GJA3: variants seen among roughly 807,000 people sequenced by gnomAD.
The protein encoded by GJA3 is gap junction alpha-3 protein.
For missense variants in GJA3, 571 were observed against 620.3 expected, an observed-to-expected ratio of 0.92 and a Z score of 0.84; for synonymous variants, 297 against 292.6, an observed-to-expected ratio of 1.02 and a Z score of -0.15.
intron 1 of GJA3, among the ~76,000 whole-genome samples, chr13:20,159,235 C>A (rs1236428467): frequency 6.6e-6 from 1 of 151,588 alleles, no homozygotes; most frequent in African/African-American, 2.4e-5. Context: ...AGATCCAGTC[C>A]TCACTCTCAG....
At position 20,142,531 on chromosome 13, in the gene GJA3, G is replaced by A. The variant is rs753781759; in HGVS notation, c.758C>T (p.Pro253Leu). The stretch of plus-strand genomic sequence containing the variant: ...CGGCCGGGAGCTGGGGGGCAGGGGC[G>A]GGGGATCGGCTGTCCCCAGCGGGGC... ...SEAPLGTADP[P>L]PLPPSSRPPA... The change falls in exon 2 of 2, where the codon CCG (proline) becomes CTG (leucine). Residue 253 changes from proline to leucine, a missense_variant. Physicochemically the swap from Pro to Leu is moderately conservative, Grantham distance 98. Coordinates refer to ENST00000241125, the MANE Select transcript of GJA3 (RefSeq NM_021954.4). The A allele has an allele frequency of 1.3e-6, 2 of 1,557,120 alleles. No homozygotes were observed. Among genetic ancestry groups the A allele is most frequent in the South Asian group, 1.2e-5 (1 of 85,362 alleles).
rs1159654355 is a variant in GJA3 at position 20,158,912 on chromosome 13, CAAAAAAAAAA to C, written c.-18+1968_-18+1977del. Among the ~76,000 whole-genome samples the C allele has an allele frequency of 7.4e-3, 408 of 54,966 alleles. 2 individuals carry two copies. The highest frequency in any genetic ancestry group is 0.053 in the Middle Eastern group (2 of 38). 36.1% of individuals were successfully genotyped at this position (54,966 alleles called of 152,430 possible). A position where few individuals can be genotyped will look rare whatever the true frequency, so the allele number is the denominator to read the frequency against. ...CCAGCCTGGACAAGAGCAAAACTCT[CAAAAAAAAAA>C]AAAAAAAAAAAAAAGAAAAAGAAAA... is the stretch of plus-strand genomic sequence containing the variant. On this transcript the variant is annotated intron_variant, in intron 1 of 1. Transcript: ENST00000241125.
chr13:20,149,514 G>A (rs2141141794), intron 1 of GJA3, among the ~76,000 whole-genome samples: 1 of 152,182 alleles, frequency 6.6e-6, no homozygotes, highest in South Asian at 2.1e-4. Context: ...ATAGTTTAAG[G>A]AATAGTCTCT....
chr13:20,152,722 G>C (rs1958886065), intron 1 of GJA3, among the ~76,000 whole-genome samples: 1 of 152,146 alleles, frequency 6.6e-6, no homozygotes, highest in Non-Finnish European at 1.5e-5. Flanking sequence ...TTACAAATTA[G>C]AGGTAATATA....
rs567570130 is a variant in GJA3 at position 20,140,515 on chromosome 13, G to A, written c.*1466C>T. ...GAACAAGGGCTAATGATACTCAGTA[G>A]AAGTTGGAGGTGAAAAGTGTGAGTA... On this transcript the variant is annotated 3_prime_UTR_variant, in exon 2 of 2. Transcript: ENST00000241125. The A allele has an allele frequency of 1.3e-4, 20 of 152,314 alleles. No individual in the cohort carries two copies. The highest frequency in any genetic ancestry group is 4.6e-4 in the African/African-American group (19 of 41,566). 9.4% of individuals were successfully genotyped at this position (152,314 alleles called of 1,614,324 possible).
In GJA3 at chr13:20,139,405, C is replaced by T. The variant is rs1958794671; in HGVS notation, c.*2576G>A. 1 of 151,886 alleles carries T rather than the reference C, an allele frequency of 6.6e-6. No individual in the cohort carries two copies. Among genetic ancestry groups the T allele is most frequent in the Non-Finnish European group, 1.5e-5 (1 of 67,996 alleles). 9.4% of individuals were successfully genotyped at this position (151,886 alleles called of 1,614,324 possible). A position where few individuals can be genotyped will look rare whatever the true frequency, so the allele number is the denominator to read the frequency against. The stretch of plus-strand genomic sequence containing the variant: ...GAAAAAAATAGGTCTGGAATCTTGC[C>T]CACAGAGAGAGGCAATTTCTATTTT... On this transcript the variant is annotated 3_prime_UTR_variant, in exon 2 of 2. Coordinates refer to ENST00000241125, the MANE Select transcript of GJA3 (RefSeq NM_021954.4).
chr13:20,150,896 G>T (rs1048419896), intron 1 of GJA3, among the ~76,000 whole-genome samples: 3 of 152,144 alleles, frequency 2.0e-5, no homozygotes, highest in Non-Finnish European at 4.4e-5. Context: ...TCACAGGAAG[G>T]CAGGAGACCA....
intron 1 of GJA3, 68 bp from the exon 2 acceptor site, chr13:20,143,373 G>GGCGGCA: frequency 8.9e-7 from 1 of 1,119,894 alleles, no homozygotes; most frequent in Non-Finnish European, 1.2e-6. Flanking sequence ...ACCCATGGGC[G>GGCGGCA]GCGGCAGCGG....
At chr13:20,151,211 C>T (rs1433453045) in intron 1 of GJA3, among the ~76,000 whole-genome samples, 4 of 152,082 alleles carry the variant, frequency 2.6e-5, no homozygotes, top group Admixed American at 6.5e-5. Context: ...AGACTCTTGT[C>T]AGTGGGGTCA....
Position 20,142,235 on chromosome 13 carries a change from G to A in GJA3, c.1054C>T (p.Pro352Ser), listed in dbSNP as rs776453557. ...AYPAASTPAA[P>S]SPVGSSSPPL... ...GGGGAGCTGCTGCCGACGGGGCTGG[G>A]GGCTGCAGGCGTGGACGCTGCCGGG... Residue 352 changes from proline (P) to serine (S), a missense_variant, in exon 2 of 2, where the codon CCC becomes TCC. Physicochemically the swap from Pro to Ser is moderately conservative, Grantham distance 74. Transcript: ENST00000241125. 5 of 1,532,714 alleles carry A rather than the reference G, an allele frequency of 3.3e-6. No individual in the cohort carries two copies. In the South Asian group the frequency reaches 3.6e-5, roughly 11 times the overall value. The allele number at this position is 1,532,714 out of a possible 1,614,324, so 94.9% of individuals were successfully genotyped here.
Position 20,154,835 on chromosome 13 carries a change from C to T in GJA3, c.-18+6055G>A, listed in dbSNP as rs375474221. Among the ~76,000 whole-genome samples, 71 of 152,174 alleles carry T rather than the reference C, an allele frequency of 4.7e-4. No individual in the cohort carries two copies. The South Asian group carries it at 0.014, about 30-fold the overall frequency. On this transcript the variant is annotated intron_variant, in intron 1 of 1. Coordinates refer to ENST00000241125, the MANE Select transcript of GJA3 (RefSeq NM_021954.4). ...ATGTTAATCACTAAAGAGGGTAAGT[C>T]CTCTTTGTTATGATTTAATTACCTT... is the stretch of plus-strand genomic sequence containing the variant.
chr13:20,148,535 A>C (rs561016173), intron 1 of GJA3, among the ~76,000 whole-genome samples: 30 of 152,328 alleles, frequency 2.0e-4, no homozygotes, highest in African/African-American at 6.7e-4. Context: ...CTGGGATTAC[A>C]GGTGTGAGCC....
At chr13:20,152,204 C>A (rs372521265) in intron 1 of GJA3, among the ~76,000 whole-genome samples, 1 of 151,968 alleles carries the variant, frequency 6.6e-6, no homozygotes, top group Non-Finnish European at 1.5e-5. Flanking sequence ...GAAACGGGGG[C>A]GACAGTAAAG....
At chr13:20,153,869 T>G (rs1958893270) in intron 1 of GJA3, among the ~76,000 whole-genome samples, 1 of 151,588 alleles carries the variant, frequency 6.6e-6, no homozygotes, top group Non-Finnish European at 1.5e-5. Flanking sequence ...GTGCCACAGT[T>G]CAATTACACA....
chr13:20,148,801 G>C (rs541105371), intron 1 of GJA3, among the ~76,000 whole-genome samples: 1 of 152,310 alleles, frequency 6.6e-6, no homozygotes, highest in African/African-American at 2.4e-5. Flanking sequence ...CGGTGTGATC[G>C]CTTAACCTTG....
chr13:20,142,946 G>T lies in GJA3; in HGVS notation c.343C>A (p.Leu115Met), dbSNP rs1029766121. The T allele has an allele frequency of 6.3e-7, 1 of 1,576,748 alleles. No individual in the cohort carries two copies. Residue 115 changes from leucine to methionine, a missense_variant, in exon 2 of 2, where the codon CTG becomes ATG. Transcript: ENST00000241125. ...TTGGGGCTGGGGCTCTCTCTCTTCA[G>T]CTGCTCCTCCTCCTCCCTCTCTTTC... ...KKKEREEEEQ[L>M]KRESPSPKEP...
intron 1 of GJA3, 49 bp from the exon 2 acceptor site, chr13:20,143,354 C>T (rs1223161537): frequency 1.8e-5 from 24 of 1,345,416 alleles, no homozygotes; most frequent in South Asian, 1.2e-4. Flanking sequence ...GGCTGAGTGC[C>T]GGGTCCGCAC....
rs531542144 is a variant in GJA3, at chr13:20,143,538, C to CTTCCT, written c.-17-234_-17-233insAGGAA. Among the ~76,000 whole-genome samples, 930 of 152,324 alleles carry CTTCCT rather than the reference C, an allele frequency of 6.1e-3. 11 individuals carry two copies. Among genetic ancestry groups the CTTCCT allele is most frequent in the African/African-American group, 0.021 (871 of 41,576 alleles). On this transcript the variant is annotated intron_variant, in intron 1 of 1. Coordinates refer to ENST00000241125, the MANE Select transcript of GJA3 (RefSeq NM_021954.4). The stretch of plus-strand genomic sequence containing the variant: ...CATTTCAGAGAGGAGGAAGCCAGAG[C>CTTCCT]CAGAAGAGAAAATGCCCTCCTCTGG...
At chr13:20,156,974 T>G (rs142588394) in intron 1 of GJA3, among the ~76,000 whole-genome samples, 38 of 152,338 alleles carry the variant, frequency 2.5e-4, no homozygotes, top group African/African-American at 8.9e-4. Flanking sequence ...GCCCTCTGGT[T>G]TCTTCTGCCA....
Sources: gnomAD v4.1 joint callset for allele counts (sites outside exome capture counted in the v4.1 genomes callset) on GRCh38, gnomAD v4.1.1 for gene constraint, MANE v1.5 for transcripts, NCBI Gene and HGNC (gene_info 2026-07-23, HGNC 2026-07-21) for gene names.